CCDC192: variants seen among roughly 807,000 people sequenced by gnomAD.
CCDC192 encodes coiled-coil domain-containing protein 192.
chr5:127,869,670 A>C (rs1751764870), intron 5 of CCDC192, among the ~76,000 whole-genome samples: 1 of 152,048 alleles, frequency 6.6e-6, no homozygotes, highest in South Asian at 2.1e-4. Context: ...GTATCTAATA[A>C]CTATTTATTT....
intron 6 of CCDC192, among the ~76,000 whole-genome samples, chr5:127,927,550 G>A (rs1014171580): frequency 6.6e-6 from 1 of 152,112 alleles, no homozygotes; most frequent in Non-Finnish European, 1.5e-5. Flanking sequence ...AGCTGAAAAG[G>A]CATTAAGTAG....
rs572316681 is a variant in CCDC192 at position 127,790,017 on chromosome 5, C to G, written c.223-7086C>G. Among the ~76,000 whole-genome samples the G allele has an allele frequency of 1.7e-4, 26 of 152,330 alleles. No individual in the cohort carries two copies. In the South Asian group the frequency reaches 5.0e-3, roughly 29 times the overall value. Reference sequence around the variant, plus strand: ...ATTCTGCAGAGCCTTTGGGCATAACCCCCATGCAGTAGGGCTGGGTGGGCA... The same window carrying G: ...ATTCTGCAGAGCCTTTGGGCATAACGCCCATGCAGTAGGGCTGGGTGGGCA... On this transcript the variant is annotated intron_variant, in intron 3 of 6. Transcript: ENST00000514853.
At chr5:127,830,275 G>A (rs1386895129) in intron 5 of CCDC192, among the ~76,000 whole-genome samples, 2 of 152,118 alleles carry the variant, frequency 1.3e-5, no homozygotes, top group East Asian at 1.9e-4. Context: ...TAAGATCAGT[G>A]GTTTCCATTT....
intron 6 of CCDC192, among the ~76,000 whole-genome samples, chr5:127,896,706 T>C (rs1414162620): frequency 6.6e-6 from 1 of 152,106 alleles, no homozygotes; most frequent in African/African-American, 2.4e-5. Context: ...TCGGCCTCCC[T>C]AAGTGTTGGG....
intron 5 of CCDC192, among the ~76,000 whole-genome samples, chr5:127,865,279 T>G (rs1030346877): frequency 6.6e-6 from 1 of 152,052 alleles, no homozygotes; most frequent in Non-Finnish European, 1.5e-5. Context: ...AAAAAGTAAC[T>G]AAAATCACAG....
chr5:127,764,786 C>T (rs1472650367), intron 3 of CCDC192, among the ~76,000 whole-genome samples: 1 of 152,082 alleles, frequency 6.6e-6, no homozygotes, highest in Non-Finnish European at 1.5e-5. Context: ...AGAAAGTTTA[C>T]CAATGTGTAT....
intron 3 of CCDC192, among the ~76,000 whole-genome samples, chr5:127,759,231 C>A (rs1754779739): frequency 6.6e-6 from 1 of 152,166 alleles, no homozygotes; most frequent in Admixed American, 6.5e-5. Context: ...AGGTATCTGT[C>A]CCTCTGTCCC....
intron 2 of CCDC192, among the ~76,000 whole-genome samples, chr5:127,736,727 G>A (rs1384447626): frequency 4.3e-4 from 65 of 149,952 alleles, no homozygotes; most frequent in African/African-American, 1.2e-3. Context: ...AGAGGTGTTT[G>A]TAGTATTCTC....
rs201493435 is a variant in CCDC192 at position 127,880,416 on chromosome 5, C to T, written c.535+4755C>T. Among the ~76,000 whole-genome samples the T allele has an allele frequency of 5.4e-5, 7 of 130,682 alleles. No individual in the cohort carries two copies. In the East Asian group the frequency reaches 1.1e-3, roughly 21 times the overall value. The allele number at this position is 130,682 out of a possible 152,430, so 85.7% of individuals were successfully genotyped here. A position where few individuals can be genotyped will look rare whatever the true frequency, so the allele number is the denominator to read the frequency against. Reference sequence around the variant, plus strand: ...GAATTGAACAATGAGATCACATGGACACAGGAAGGGGAATATCACACTCTG... The same window carrying T: ...GAATTGAACAATGAGATCACATGGATACAGGAAGGGGAATATCACACTCTG... On this transcript the variant is annotated intron_variant, in intron 6 of 6. Transcript: ENST00000514853.
chr5:127,939,905 A>T lies in CCDC192; in HGVS notation c.536-1277A>T, dbSNP rs187953881. 2.0e-5 allele frequency among the ~76,000 whole-genome samples: 3 copies of T among 152,308 alleles called. No individual in the cohort carries two copies. In the East Asian group the frequency reaches 5.8e-4, roughly 29 times the overall value. On this transcript the variant is annotated intron_variant, in intron 6 of 6. Coordinates refer to ENST00000514853, the MANE Select transcript of CCDC192 (RefSeq NM_001317938.2). Reference sequence around the variant, plus strand: ...GAGACCACGCATCAGGTTCATTCATACATGCCATAAGCTCCATTAGTGCTG... The same window carrying T: ...GAGACCACGCATCAGGTTCATTCATTCATGCCATAAGCTCCATTAGTGCTG...
chr5:127,898,731 C>A (rs1752962462), intron 6 of CCDC192, among the ~76,000 whole-genome samples: 3 of 152,074 alleles, frequency 2.0e-5, no homozygotes, highest in Non-Finnish European at 4.4e-5. Context: ...ACCCTTCATG[C>A]TAAGCAGTGT....
At chr5:127,817,799 G>T (rs1397671872) in intron 5 of CCDC192, among the ~76,000 whole-genome samples, 3 of 152,070 alleles carry the variant, frequency 2.0e-5, no homozygotes, top group African/African-American at 7.2e-5. Flanking sequence ...ACAGATTCTT[G>T]AATTATTTCC....
At chr5:127,731,889 A>G (rs1428977798) in intron 2 of CCDC192, among the ~76,000 whole-genome samples, 2 of 152,202 alleles carry the variant, frequency 1.3e-5, no homozygotes, top group Non-Finnish European at 1.5e-5. Context: ...TGTAAAACCC[A>G]AAACTATAAC....
At chr5:127,808,704 T>A (rs527530583) in intron 5 of CCDC192, among the ~76,000 whole-genome samples, 2 of 152,220 alleles carry the variant, frequency 1.3e-5, no homozygotes, top group Non-Finnish European at 2.9e-5. Context: ...CAAGCCTTTC[T>A]TGACTTCTCA....
At chr5:127,866,686 T>C (rs192832282) in intron 5 of CCDC192, among the ~76,000 whole-genome samples, 2 of 152,044 alleles carry the variant, frequency 1.3e-5, no homozygotes, top group African/African-American at 4.8e-5. Context: ...TCAGCAATTT[T>C]CAAAACATTC....
At chr5:127,759,540 A>G (rs532276092) in intron 3 of CCDC192, among the ~76,000 whole-genome samples, 106 of 152,328 alleles carry the variant, frequency 7.0e-4, no homozygotes, top group Middle Eastern at 6.8e-3. Flanking sequence ...CTCAGCCTCT[A>G]GAATTTGAAG....
intron 5 of CCDC192, among the ~76,000 whole-genome samples, chr5:127,822,422 C>T (rs998173633): frequency 6.6e-6 from 1 of 151,984 alleles, no homozygotes; most frequent in Non-Finnish European, 1.5e-5. Context: ...GCAAAATAGA[C>T]TAAATCTCTA....
intron 6 of CCDC192, among the ~76,000 whole-genome samples, chr5:127,887,321 T>C (rs1353437789): frequency 1.9e-5 from 2 of 105,066 alleles, no homozygotes; most frequent in Admixed American, 1.0e-4. Flanking sequence ...AGAGAGAGAC[T>C]CTGTCTCAAA....
intron 5 of CCDC192, among the ~76,000 whole-genome samples, chr5:127,871,445 T>A (rs1751856471): frequency 6.6e-6 from 1 of 152,166 alleles, no homozygotes; most frequent in Non-Finnish European, 1.5e-5. Context: ...AAAAGATACT[T>A]TAGTGTTTTA....
Sources: gnomAD v4.1 joint callset for allele counts (sites outside exome capture counted in the v4.1 genomes callset) on GRCh38, gnomAD v4.1.1 for gene constraint, MANE v1.5 for transcripts, NCBI Gene and HGNC (gene_info 2026-07-23, HGNC 2026-07-21) for gene names.